FHIT: variants seen among roughly 807,000 people sequenced by gnomAD.
FHIT encodes bis(5'-adenosyl)-triphosphatase.
A neutral mutation model predicts 17.9 loss-of-function variants in FHIT; 19 were observed. The observed-to-expected ratio is 1.06, with a 90% CI of 0.74 to 1.56. FHIT has a LOEUF of 1.56. FHIT is among the 40% of genes most tolerant of loss of function. The probability of loss-of-function intolerance (pLI) is 0.00; values close to 1 mark genes in which losing one functional copy is unlikely to be tolerated. For synonymous variants in FHIT, 81 were observed against 69.7 expected, an observed-to-expected ratio of 1.16 and a Z score of -0.81; for missense variants, 248 against 189.2, an observed-to-expected ratio of 1.31 and a Z score of -1.82.
intron 1 of FHIT, among the ~76,000 whole-genome samples, chr3:61,247,959 A>C (rs1234416350): frequency 6.6e-6 from 1 of 152,186 alleles, no homozygotes; most frequent in Non-Finnish European, 1.5e-5. Context: ...GAATTAAATC[A>C]TGGGTCCCCA....
chr3:61,080,936 A>C (rs149514874), intron 2 of FHIT, among the ~76,000 whole-genome samples: 161 of 152,268 alleles, frequency 1.1e-3, no homozygotes, highest in African/African-American at 3.7e-3. Context: ...GATCACGGCA[A>C]AAAGCGGAAG....
chr3:60,583,343 T>G (rs1559557547), intron 4 of FHIT, among the ~76,000 whole-genome samples: 1 of 151,966 alleles, frequency 6.6e-6, no homozygotes, highest in Admixed American at 6.6e-5. Flanking sequence ...CAGAGACTTA[T>G]TTCCTAGATC....
intron 5 of FHIT, among the ~76,000 whole-genome samples, chr3:60,073,884 G>A (rs2736821): frequency 0.31 from 46,681 of 151,902 alleles, 7,888 homozygotes; most frequent in African/African-American, 0.44. Context: ...CCAGATATAC[G>A]AAATAACCCT....
intron 5 of FHIT, among the ~76,000 whole-genome samples, chr3:60,317,712 A>T (rs1576466332): frequency 1.3e-5 from 2 of 149,800 alleles, no homozygotes; most frequent in South Asian, 4.2e-4. Flanking sequence ...AGAGACTGTC[A>T]AAGCTTCACA....
intron 5 of FHIT, among the ~76,000 whole-genome samples, chr3:60,344,940 C>T (rs1262364835): frequency 2.0e-5 from 3 of 152,112 alleles, no homozygotes; most frequent in Non-Finnish European, 4.4e-5. Flanking sequence ...TCCACTATCA[C>T]TCACAAAACT....
intron 5 of FHIT, among the ~76,000 whole-genome samples, chr3:60,124,964 C>G (rs1252943242): frequency 6.6e-6 from 1 of 152,194 alleles, no homozygotes; most frequent in South Asian, 2.1e-4. Flanking sequence ...TGGGGCCCTC[C>G]AAATTCTCTA....
At chr3:61,172,126 T>G (rs190677001) in intron 2 of FHIT, among the ~76,000 whole-genome samples, 875 of 152,234 alleles carry the variant, frequency 5.7e-3, no homozygotes, top group Non-Finnish European at 9.8e-3. Flanking sequence ...AGAAGAAAAT[T>G]GTGAATACAT....
chr3:61,180,337 C>G (rs757717588), intron 2 of FHIT, among the ~76,000 whole-genome samples: 8 of 152,106 alleles, frequency 5.3e-5, no homozygotes, highest in Non-Finnish European at 1.0e-4. Flanking sequence ...TTAACAATTG[C>G]GTTTAAAATG....
chr3:60,883,579 AT>A (rs1383983681), intron 3 of FHIT, among the ~76,000 whole-genome samples: 7 of 152,256 alleles, frequency 4.6e-5, no homozygotes, highest in Non-Finnish European at 8.8e-5. Flanking sequence ...TAGCAAACTG[AT>A]TTTTGACAAA....
chr3:60,449,490 G>A (rs2031574934), intron 5 of FHIT, among the ~76,000 whole-genome samples: 1 of 151,824 alleles, frequency 6.6e-6, no homozygotes, highest in Non-Finnish European at 1.5e-5. Context: ...TATGTTCTGG[G>A]AAATGCATTG....
At chr3:60,566,615 C>T (rs528530781) in intron 4 of FHIT, among the ~76,000 whole-genome samples, 28 of 152,132 alleles carry the variant, frequency 1.8e-4, no homozygotes, top group Admixed American at 5.9e-4. Context: ...CCAGGGCAAT[C>T]AGGCAGGAGA....
intron 2 of FHIT, among the ~76,000 whole-genome samples, chr3:61,057,884 A>G (rs1452560117): frequency 1.3e-5 from 2 of 152,220 alleles, no homozygotes; most frequent in African/African-American, 4.8e-5. Flanking sequence ...TAAGACGACT[A>G]TCTGAAAAGC....
At chr3:60,959,826 A>G (rs1483255630) in intron 3 of FHIT, among the ~76,000 whole-genome samples, 1 of 150,074 alleles carries the variant, frequency 6.7e-6, no homozygotes, top group Non-Finnish European at 1.5e-5. Flanking sequence ...TTTAATGTCA[A>G]CACTGTTTGG....
intron 5 of FHIT, among the ~76,000 whole-genome samples, chr3:60,122,955 C>T (rs78708482): frequency 0.027 from 4,111 of 152,272 alleles, 196 homozygotes; most frequent in African/African-American, 0.094. Flanking sequence ...ATTTTGGCTT[C>T]TAGTGCTGAG....
chr3:60,692,288 A>G (rs2041010156), intron 4 of FHIT, among the ~76,000 whole-genome samples: 1 of 152,182 alleles, frequency 6.6e-6, no homozygotes, highest in African/African-American at 2.4e-5. Flanking sequence ...TAAGCAGGAT[A>G]ATGGTCTTCC....
In FHIT at chr3:60,767,340, T is replaced by C. The variant is rs1040856354; in HGVS notation, c.-18+54579A>G. On this transcript the variant is annotated intron_variant, in intron 4 of 9. Transcript: ENST00000492590. ...GATGACCATGCACAGAGTGTTTCTA[T>C]CAGCAAGCCTATATTGTGGGTCTTT... Among the ~76,000 whole-genome samples, 6 of 152,184 alleles carry C rather than the reference T, an allele frequency of 3.9e-5. No individual in the cohort carries two copies. The South Asian group carries it at 1.2e-3, about 31-fold the overall frequency.
At chr3:60,403,154 G>A (rs1162333343) in intron 5 of FHIT, among the ~76,000 whole-genome samples, 4 of 152,152 alleles carry the variant, frequency 2.6e-5, no homozygotes, top group African/African-American at 9.7e-5. Context: ...GATAGACAAA[G>A]ACAGAAAAAG....
At chr3:59,792,877 G>T (rs1316944209) in intron 8 of FHIT, among the ~76,000 whole-genome samples, 12 of 148,110 alleles carry the variant, frequency 8.1e-5, no homozygotes, top group Non-Finnish European at 1.6e-4. Flanking sequence ...TTTTTTGGGG[G>T]GGGGGGTCAT....
chr3:60,239,163 T>C (rs1392416199), intron 5 of FHIT, among the ~76,000 whole-genome samples: 1 of 152,198 alleles, frequency 6.6e-6, no homozygotes, highest in African/African-American at 2.4e-5. Context: ...TTTTCTTTTG[T>C]ATATATTTAC....
Sources: gnomAD v4.1 joint callset for allele counts (sites outside exome capture counted in the v4.1 genomes callset) on GRCh38, gnomAD v4.1.1 for gene constraint, MANE v1.5 for transcripts, NCBI Gene and HGNC (gene_info 2026-07-23, HGNC 2026-07-21) for gene names.